MRTFA: variants seen among roughly 807,000 people sequenced by gnomAD.
MRTFA encodes the protein myocardin related transcription factor A.
A neutral mutation model predicts 83.5 loss-of-function variants in MRTFA; 20 were observed. That is an observed-to-expected ratio of 0.24 (90% CI 0.17 to 0.35). The LOEUF (loss-of-function observed/expected upper bound fraction) is 0.35. Ranked by LOEUF, MRTFA falls within the 10% of genes least tolerant of loss-of-function variation. The pLI is 1.00. For synonymous variants in MRTFA, 659 were observed against 541.2 expected (o/e 1.22, Z -3.02); for missense variants, 1,200 against 1,224.7 (o/e 0.98, Z 0.30).
At chr22:40,505,961 C>T (rs913413885) in intron 3 of MRTFA, among the ~76,000 whole-genome samples, 2 of 152,162 alleles carry the variant, frequency 1.3e-5, no homozygotes, top group South Asian at 2.1e-4. Context: ...TGGCCAGGCG[C>T]GGTGGCTCAC....
At position 40,418,766 on chromosome 22, in the gene MRTFA, C is replaced by T. The variant is rs779496339; in HGVS notation, c.1972G>A (p.Glu658Lys). ...GGGGCGGGCTGCTGGGCTCGCTTCT[C>T]CTGCTCCAGCTGCAGCTTGAGCCGC... The change falls in exon 12 of 15, where the codon GAG becomes AAG. Residue 658 changes from glutamate (E) to lysine (K), a missense_variant. Physicochemically the swap from Glu to Lys is moderately conservative, Grantham distance 56. Coordinates refer to ENST00000355630, the MANE Select transcript of MRTFA (RefSeq NM_020831.6). 6 of 1,556,636 alleles carry T rather than the reference C, an allele frequency of 3.9e-6. No homozygotes were observed. The highest frequency in any genetic ancestry group is 5.2e-6 in the Non-Finnish European group (6 of 1,157,638).
At chr22:40,519,534 C>T in intron 3 of MRTFA, 1 of 1,351,076 alleles carries the variant, frequency 7.4e-7, no homozygotes, top group Non-Finnish European at 9.8e-7. Context: ...CTCCTTGTGT[C>T]CAAACTGGCT....
chr22:40,448,557 C>T (rs2053427341), intron 4 of MRTFA, among the ~76,000 whole-genome samples: 1 of 152,194 alleles, frequency 6.6e-6, no homozygotes, highest in Non-Finnish European at 1.5e-5. Flanking sequence ...TCTAGTCTTT[C>T]ACATTTGGCC....
chr22:40,438,896 C>T (rs2053221274), intron 4 of MRTFA, among the ~76,000 whole-genome samples: 1 of 152,124 alleles, frequency 6.6e-6, no homozygotes, highest in Non-Finnish European at 1.5e-5. Context: ...CCTATTTGGT[C>T]CTATTAAGGA....
At chr22:40,468,011 A>T (rs2053837317) in intron 3 of MRTFA, among the ~76,000 whole-genome samples, 1 of 152,186 alleles carries the variant, frequency 6.6e-6, no homozygotes, top group Non-Finnish European at 1.5e-5. Flanking sequence ...GAAAAACCCT[A>T]GGTTCTCCAC....
At chr22:40,472,539 T>C (rs1181124965) in intron 3 of MRTFA, among the ~76,000 whole-genome samples, 1 of 152,232 alleles carries the variant, frequency 6.6e-6, no homozygotes, top group African/African-American at 2.4e-5. Context: ...TTTTAATATT[T>C]TTTCACATTG....
chr22:40,556,500 GGAA>G (rs551124099), intron 2 of MRTFA, among the ~76,000 whole-genome samples: 51 of 152,208 alleles, frequency 3.4e-4, no homozygotes, highest in South Asian at 6.2e-4. Flanking sequence ...CAAAGAGACT[GGAA>G]GAAGATATAA....
intron 6 of MRTFA, among the ~76,000 whole-genome samples, chr22:40,431,116 A>G (rs2053061180): frequency 6.6e-6 from 1 of 152,170 alleles, no homozygotes; most frequent in South Asian, 2.1e-4. Context: ...CTGTGTCTTA[A>G]ACAAAACAAA....
chr22:40,539,173 A>G (rs1369531980), intron 3 of MRTFA, among the ~76,000 whole-genome samples: 1 of 145,892 alleles, frequency 6.9e-6, no homozygotes, highest in Non-Finnish European at 1.5e-5. Context: ...TTTTATATAT[A>G]TTTTTAGTTG....
At chr22:40,492,864 A>T (rs2054292771) in intron 3 of MRTFA, among the ~76,000 whole-genome samples, 1 of 152,268 alleles carries the variant, frequency 6.6e-6, no homozygotes, top group African/African-American at 2.4e-5. Context: ...ATGAAAAAAC[A>T]AATGGACACT....
chr22:40,603,105 T>C (rs1052149650), intron 1 of MRTFA, among the ~76,000 whole-genome samples: 3 of 152,196 alleles, frequency 2.0e-5, no homozygotes, highest in African/African-American at 7.2e-5. Context: ...AGAATAAAAC[T>C]AACTATAATC....
At chr22:40,611,009 C>T (rs527301901) in intron 1 of MRTFA, among the ~76,000 whole-genome samples, 8 of 147,940 alleles carry the variant, frequency 5.4e-5, no homozygotes, top group Non-Finnish European at 1.2e-4. Context: ...GCCATCTCGG[C>T]TCACTGCAAC....
intron 4 of MRTFA, among the ~76,000 whole-genome samples, chr22:40,449,032 G>A (rs1417887350): frequency 3.3e-5 from 5 of 152,158 alleles, no homozygotes; most frequent in Non-Finnish European, 5.9e-5. Flanking sequence ...TTGGGAGGCC[G>A]AGGCGGGTGG....
Position 40,457,490 on chromosome 22 carries a change from G to GAAAGAAAGAA in MRTFA, c.307+5721_307+5730dup, listed in dbSNP as rs2053616206. 2.8e-5 allele frequency among the ~76,000 whole-genome samples: 4 copies of GAAAGAAAGAA among 144,776 alleles called. No individual in the cohort carries two copies. In the South Asian group the frequency reaches 9.0e-4, roughly 33 times the overall value. 95.0% of individuals were successfully genotyped at this position (144,776 alleles called of 152,430 possible). A position where few individuals can be genotyped will look rare whatever the true frequency, so the allele number is the denominator to read the frequency against. ...AGAAAGAAAGAAAGAAAGAAAGAAG[G>GAAAGAAAGAA]AAAGAAAGAAAGAGAAAGAAAGAAA... On this transcript the variant is annotated intron_variant, in intron 4 of 14. Transcript: ENST00000355630.
At chr22:40,433,400 A>G (rs991949029) in intron 5 of MRTFA, 2 of 152,244 alleles carry the variant, frequency 1.3e-5, no homozygotes, top group African/African-American at 4.8e-5. Context: ...TCAGGAGGTC[A>G]AAGGCAGAAG....
rs1229387937 is a variant in MRTFA at position 40,518,833 on chromosome 22, C to T, written c.241+33273G>A. 2.1e-4 allele frequency among the ~76,000 whole-genome samples: 29 copies of T among 135,258 alleles called. No individual in the cohort carries two copies. In the East Asian group the frequency reaches 6.5e-3, roughly 30 times the overall value. The allele number at this position is 135,258 out of a possible 152,430, so 88.7% of individuals were successfully genotyped here. ...AAAAAAAAAAAAAACCAGTGTCTGT[C>T]TTTCCTCTTCATGCACTGTAAACTC... On this transcript the variant is annotated intron_variant, in intron 3 of 14. Coordinates refer to ENST00000355630, the MANE Select transcript of MRTFA (RefSeq NM_020831.6).
intron 2 of MRTFA, among the ~76,000 whole-genome samples, chr22:40,556,106 T>A (rs1452942064): frequency 6.6e-6 from 1 of 150,442 alleles, no homozygotes; most frequent in Non-Finnish European, 1.5e-5. Flanking sequence ...TCTGTTTGAT[T>A]GGACAATGAA....
chr22:40,515,489 T>G (rs1245776120), intron 3 of MRTFA, among the ~76,000 whole-genome samples: 1 of 150,938 alleles, frequency 6.6e-6, no homozygotes, highest in African/African-American at 2.4e-5. Flanking sequence ...AGGCCAGGAG[T>G]TGGAGATCAG....
chr22:40,442,173 C>G (rs1442577915), intron 4 of MRTFA, among the ~76,000 whole-genome samples: 34 of 152,158 alleles, frequency 2.2e-4, no homozygotes, highest in Non-Finnish European at 5.0e-4. Context: ...CTCATTTCCT[C>G]ATCACTATCA....
Sources: gnomAD v4.1 joint callset for allele counts (sites outside exome capture counted in the v4.1 genomes callset) on GRCh38, gnomAD v4.1.1 for gene constraint, MANE v1.5 for transcripts, NCBI Gene and HGNC (gene_info 2026-07-23, HGNC 2026-07-21) for gene names.